DNMT1: variants seen among roughly 807,000 people sequenced by gnomAD.
DNMT1 encodes the protein DNA (cytosine-5)-methyltransferase 1.
Under a neutral mutation model 205.3 loss-of-function variants are expected in DNMT1, and 24 were observed. The ratio of observed to expected loss-of-function variants is 0.12; its 90% CI spans 0.08 to 0.16. The LOEUF (loss-of-function observed/expected upper bound fraction) is 0.16, where lower values mean the gene tolerates loss of function less well. DNMT1 is among the 10% of genes least tolerant of loss of function. The pLI is 1.00. For synonymous variants in DNMT1, 817 were observed against 839.8 expected (o/e 0.97, Z 0.47); for missense variants, 1,293 against 2,177.7 (o/e 0.59, Z 8.09).
At chr19:10,135,093 T>C (rs1042303471) in intron 39 of DNMT1, among the ~76,000 whole-genome samples, 1 of 150,532 alleles carries the variant, frequency 6.6e-6, no homozygotes, top group Admixed American at 6.7e-5. Flanking sequence ...ATGACTGTAA[T>C]CCCAGCTACT....
intron 1 of DNMT1, among the ~76,000 whole-genome samples, chr19:10,182,934 AG>A (rs2145388125): frequency 6.6e-6 from 1 of 150,562 alleles, no homozygotes; most frequent in African/African-American, 2.5e-5. Context: ...CTGAAGTGCT[AG>A]GATTACAGGC....
rs1052930640 is a variant in DNMT1, at chr19:10,139,529, G to A, written c.3948+147C>T. ...CTGAGCACGCATCTCCCCTGACTCCGCCAGTGGGACAGAGCACCATGCCAG... is the reference window on the plus strand; with the variant it reads ...CTGAGCACGCATCTCCCCTGACTCCACCAGTGGGACAGAGCACCATGCCAG... On this transcript the variant is annotated intron_variant, in intron 34 of 40. Coordinates refer to ENST00000359526, the MANE Select transcript of DNMT1 (RefSeq NM_001130823.3). 1.8e-5 allele frequency: 25 copies of A among 1,373,032 alleles called. No individual in the cohort carries two copies. The African/African-American group carries it at 2.7e-4, about 15-fold the overall frequency. The allele number at this position is 1,373,032 out of a possible 1,614,324, so 85.1% of individuals were successfully genotyped here. A position where few individuals can be genotyped will look rare whatever the true frequency, so the allele number is the denominator to read the frequency against.
intron 13 of DNMT1, 48 bp from the exon 14 acceptor site, chr19:10,160,466 C>T (rs1037408037): frequency 9.4e-6 from 15 of 1,599,436 alleles, no homozygotes; most frequent in Non-Finnish European, 1.1e-5. Flanking sequence ...GAGTGTTTTA[C>T]ACCCAGATAG....
intron 1 of DNMT1, among the ~76,000 whole-genome samples, chr19:10,186,465 A>G (rs1293689064): frequency 1.3e-5 from 2 of 152,248 alleles, no homozygotes; most frequent in African/African-American, 4.8e-5. Context: ...ATGCCGGCTT[A>G]GTGCCCAGCC....
rs375666082 is a variant in DNMT1 at position 10,194,944 on chromosome 19, G to A, written c.-45C>T. ...GCGGCGGCGGCAGCGCAGGCGCCCC[G>A]GCTTTTCGCGCGGAAACCGATGGGG... On this transcript the variant is annotated 5_prime_UTR_variant, in exon 1 of 41. Transcript: ENST00000359526. The A allele has an allele frequency of 1.1e-4, 178 of 1,570,852 alleles. No individual in the cohort carries two copies. The highest frequency in any genetic ancestry group is 1.3e-4 in the Non-Finnish European group (145 of 1,159,910).
At chr19:10,168,444 A>G in intron 9 of DNMT1, 80 bp from the exon 10 acceptor site, 2 of 1,429,610 alleles carry the variant, frequency 1.4e-6, no homozygotes, top group Non-Finnish European at 2.0e-6. Context: ...ATGGAAATAA[A>G]ACACCTGAAC....
chr19:10,173,294 A>G, intron 8 of DNMT1, 120 bp from the exon 9 acceptor site: 1 of 921,042 alleles, frequency 1.1e-6, no homozygotes, highest in Non-Finnish European at 1.8e-6. Flanking sequence ...GAGCCCTGAC[A>G]GACACATACT....
rs372179811 is a variant in DNMT1 at position 10,152,758 on chromosome 19, TCAA to T, written c.2020-914_2020-912del. Among the ~76,000 whole-genome samples, 1,008 of 150,716 alleles carry T rather than the reference TCAA, an allele frequency of 6.7e-3. 11 individuals carry two copies. The highest frequency in any genetic ancestry group is 0.022 in the African/African-American group (914 of 40,950). ...ACTGGGTGACAGAACGAGACCCATC[TCAA>T]CAACAACAACAACAACAACAACAAC... On this transcript the variant is annotated intron_variant, in intron 22 of 40. Transcript: ENST00000359526.
At chr19:10,177,396 G>GA (rs531336080) in intron 5 of DNMT1, 29 bp from the exon 6 acceptor site, 3,561 of 1,414,910 alleles carry the variant, frequency 2.5e-3, no homozygotes, top group Non-Finnish European at 2.7e-3. Flanking sequence ...GCATTAAAAA[G>GA]AAAAAAAAAA....
At chr19:10,179,265 T>A (rs2038994397) in intron 5 of DNMT1, among the ~76,000 whole-genome samples, 2 of 152,082 alleles carry the variant, frequency 1.3e-5, no homozygotes, top group African/African-American at 4.8e-5. Flanking sequence ...ATCTGCAACC[T>A]GTCACACTCA....
intron 10 of DNMT1, among the ~76,000 whole-genome samples, chr19:10,167,386 G>A (rs932099317): frequency 2.6e-5 from 4 of 151,894 alleles, no homozygotes; most frequent in Non-Finnish European, 4.4e-5. Context: ...TATTAGAGAC[G>A]GGGTTTCACC....
rs1181332562 is a variant in DNMT1 at position 10,149,862 on chromosome 19, T to C, written c.2372A>G (p.Tyr791Cys). Residue 791 changes from tyrosine to cysteine, a missense_variant, in exon 25 of 41, where the codon TAT becomes TGT. Around this residue, in one of 13 missense-constraint regions of DNMT1, gnomAD observed 197 missense variants for 353.6 expected, o/e 0.56. Coordinates refer to ENST00000359526, the MANE Select transcript of DNMT1 (RefSeq NM_001130823.3). ...VIPDDSSKPLYLARVTALWED... is the reference protein window; with the variant it reads ...VIPDDSSKPLCLARVTALWED... ...AAAGAAAGATGCAAACCTTGCTAGATACAGCGGTTTTGAGGAATCATCTGG... is the reference window on the plus strand; with the variant it reads ...AAAGAAAGATGCAAACCTTGCTAGACACAGCGGTTTTGAGGAATCATCTGG... 6.2e-7 allele frequency: 1 copy of C among 1,614,206 alleles called. No individual in the cohort carries two copies. Among genetic ancestry groups the C allele is most frequent in the East Asian group, 2.2e-5 (1 of 44,890 alleles).
chr19:10,181,990 A>G, intron 2 of DNMT1, 51 bp downstream of exon 2: 1 of 1,528,862 alleles, frequency 6.5e-7, no homozygotes, highest in Non-Finnish European at 9.0e-7. Context: ...ATGAGCCACA[A>G]AGTGTGTCAG....
intron 34 of DNMT1, among the ~76,000 whole-genome samples, chr19:10,139,312 G>A (rs1210474441): frequency 3.3e-5 from 5 of 152,176 alleles, no homozygotes; most frequent in South Asian, 2.1e-4. Flanking sequence ...ATGGCTCTGC[G>A]CACCTCACTT....
At chr19:10,135,231 G>C (rs1352329061) in intron 39 of DNMT1, among the ~76,000 whole-genome samples, 1 of 110,490 alleles carries the variant, frequency 9.1e-6, no homozygotes, top group East Asian at 2.5e-4. Context: ...AAAAAAAAAA[G>C]AGAGAGTGGC....
chr19:10,153,496 G>A (rs2038391469), intron 22 of DNMT1, among the ~76,000 whole-genome samples: 1 of 151,938 alleles, frequency 6.6e-6, no homozygotes, highest in Admixed American at 6.6e-5. Flanking sequence ...AATTAGCCGG[G>A]TATGGTGGCG....
At position 10,143,885 on chromosome 19, in the gene DNMT1, G is replaced by A. The variant is rs2145276158; in HGVS notation, c.2997C>T (p.Ser999=). The A allele has an allele frequency of 1.2e-6, 2 of 1,614,202 alleles. No homozygotes were observed. Among genetic ancestry groups the A allele is most frequent in the Non-Finnish European group, 1.7e-6 (2 of 1,180,046 alleles). ...YRKYSDYIKG[S]NLDAPEPYRI... Reference sequence around the variant, plus strand: ...GGTAGGGCTCAGGGGCATCCAGGTTGCTGCCTTTGATGTAGTCGGAGTATT... The same window carrying A: ...GGTAGGGCTCAGGGGCATCCAGGTTACTGCCTTTGATGTAGTCGGAGTATT... Residue 999 remains serine, a synonymous_variant, in exon 29 of 41, where the codon AGC becomes AGT. Transcript: ENST00000359526.
Position 10,140,505 on chromosome 19 carries a change from G to A in DNMT1, c.3524-177C>T. ...CCACCTCAGCCTCCTGAGTAGCTGG[G>A]ACTACAGGCACACACCACCACGCCC... is the stretch of plus-strand genomic sequence containing the variant. On this transcript the variant is annotated intron_variant, in intron 32 of 40. Coordinates refer to ENST00000359526, the MANE Select transcript of DNMT1 (RefSeq NM_001130823.3). The surrounding 1 kb of genome is among the most constrained non-coding windows in gnomAD (Gnocchi z 8.4). 1.0e-6 allele frequency: 1 copy of A among 999,936 alleles called. No individual in the cohort carries two copies. The highest frequency in any genetic ancestry group is 1.5e-6 in the Non-Finnish European group (1 of 678,448). 61.9% of individuals were successfully genotyped at this position (999,936 alleles called of 1,614,324 possible).
At chr19:10,189,140 G>C (rs2039252208) in intron 1 of DNMT1, among the ~76,000 whole-genome samples, 1 of 135,576 alleles carries the variant, frequency 7.4e-6, no homozygotes, top group African/African-American at 2.8e-5. Flanking sequence ...TTTTTTTTGA[G>C]ACGGAGTCTC....
Sources: allele counts gnomAD v4.1 joint callset (sites outside exome capture counted in the v4.1 genomes callset), GRCh38; gene constraint gnomAD v4.1.1; regional missense constraint gnomAD v4.1.1; non-coding constraint Gnocchi (gnomAD v3.1); transcripts MANE v1.5; gene names NCBI Gene and HGNC (gene_info 2026-07-23, HGNC 2026-07-21).